PCDH7: variants seen among roughly 807,000 people sequenced by gnomAD.
PCDH7 encodes protocadherin-7.
Under a neutral mutation model 58.9 loss-of-function variants are expected in PCDH7, and 17 were observed. The observed-to-expected ratio is 0.29, with a 90% confidence interval of 0.20 to 0.43. The LOEUF (loss-of-function observed/expected upper bound fraction) is 0.43. Ranked by LOEUF, PCDH7 falls within the 20% of genes least tolerant of loss-of-function variation. The pLI is 1.00. For missense variants in PCDH7, 1,274 were observed against 1,441.0 expected (o/e 0.88, Z 1.88); for synonymous variants, 664 against 616.4 (o/e 1.08, Z -1.14).
intron 3 of PCDH7, among the ~76,000 whole-genome samples, chr4:31,027,472 G>T (rs1485804954): frequency 6.6e-6 from 1 of 151,742 alleles, no homozygotes; most frequent in Non-Finnish European, 1.5e-5. Context: ...CACCAGCCTG[G>T]ATTGCAGTGA....
intron 1 of PCDH7, among the ~76,000 whole-genome samples, chr4:30,858,631 T>C (rs1187628545): frequency 6.6e-6 from 1 of 152,182 alleles, no homozygotes; most frequent in Non-Finnish European, 1.5e-5. Context: ...ATAAGTTATA[T>C]TGCTAATACA....
intron 1 of PCDH7, among the ~76,000 whole-genome samples, chr4:30,816,218 A>G (rs543064451): frequency 2.0e-5 from 3 of 152,244 alleles, no homozygotes; most frequent in African/African-American, 4.8e-5. Flanking sequence ...AATATATTGT[A>G]CTGTACATAT....
chr4:31,097,612 ATATATATATATATATATATAT>A lies in PCDH7; in HGVS notation c.*8-44860_*8-44840del, dbSNP rs1206285067. ...CATATATATATATATATATATATAT[ATATATATATATATATATATAT>A]ATATAAATCTTTTTTCTGTAATTTC... On this transcript the variant is annotated intron_variant, in intron 3 of 3. Transcript: ENST00000509759. Among the ~76,000 whole-genome samples the A allele has an allele frequency of 2.9e-4, 10 of 33,904 alleles. 1 individual carries two copies. In the East Asian group the frequency reaches 0.015, roughly 52 times the overall value. 22.2% of individuals were successfully genotyped at this position (33,904 alleles called of 152,430 possible).
At chr4:30,874,700 A>AT (rs1253679834) in intron 1 of PCDH7, among the ~76,000 whole-genome samples, 33 of 146,414 alleles carry the variant, frequency 2.3e-4, no homozygotes, top group African/African-American at 8.4e-4. Flanking sequence ...TAATAATAAA[A>AT]TAAAAAAATA....
intron 3 of PCDH7, among the ~76,000 whole-genome samples, chr4:31,119,179 G>T (rs1234557902): frequency 6.6e-6 from 1 of 152,036 alleles, no homozygotes; most frequent in Non-Finnish European, 1.5e-5. Context: ...CACATTCTCT[G>T]TTATGTTTCA....
At chr4:30,981,356 A>G (rs1453400114) in intron 3 of PCDH7, among the ~76,000 whole-genome samples, 1 of 152,204 alleles carries the variant, frequency 6.6e-6, no homozygotes, top group Non-Finnish European at 1.5e-5. Context: ...GTTTATTGAC[A>G]GTAGATTATT....
intron 1 of PCDH7, among the ~76,000 whole-genome samples, chr4:30,755,216 G>C (rs1372357375): frequency 6.6e-6 from 1 of 152,152 alleles, no homozygotes; most frequent in Non-Finnish European, 1.5e-5. Flanking sequence ...ACATGTGCTT[G>C]ATCTTAGAAA....
chr4:30,988,838 G>A (rs1751212216), intron 3 of PCDH7, among the ~76,000 whole-genome samples: 1 of 152,144 alleles, frequency 6.6e-6, no homozygotes, highest in Non-Finnish European at 1.5e-5. Flanking sequence ...CAGGCCCTGT[G>A]CAATGATGGT....
At chr4:30,804,110 A>G (rs948479049) in intron 1 of PCDH7, among the ~76,000 whole-genome samples, 3 of 152,230 alleles carry the variant, frequency 2.0e-5, no homozygotes, top group Non-Finnish European at 4.4e-5. Flanking sequence ...AATTTTGGAC[A>G]TGACACAAAC....
At chr4:30,822,335 G>A (rs1399886123) in intron 1 of PCDH7, among the ~76,000 whole-genome samples, 1 of 152,118 alleles carries the variant, frequency 6.6e-6, no homozygotes, top group Non-Finnish European at 1.5e-5. Context: ...TAGAGTGCAG[G>A]CCAGCGACCG....
intron 1 of PCDH7, among the ~76,000 whole-genome samples, chr4:30,804,636 G>A (rs916575779): frequency 1.6e-4 from 25 of 152,176 alleles, no homozygotes; most frequent in African/African-American, 5.5e-4. Context: ...CATCTTGGAA[G>A]AAGAGAGCAG....
chr4:31,076,869 G>A (rs1759039097), intron 3 of PCDH7, among the ~76,000 whole-genome samples: 1 of 152,024 alleles, frequency 6.6e-6, no homozygotes, highest in Non-Finnish European at 1.5e-5. Context: ...CAAAATCTTT[G>A]CACACTTAGG....
At chr4:30,916,501 A>C (rs542252451) in intron 1 of PCDH7, among the ~76,000 whole-genome samples, 2 of 152,294 alleles carry the variant, frequency 1.3e-5, no homozygotes, top group South Asian at 4.1e-4. Context: ...GCTTGTCTTC[A>C]TAATTTCAAA....
At chr4:30,776,389 G>T (rs1722073037) in intron 1 of PCDH7, 1 of 152,184 alleles carries the variant, frequency 6.6e-6, no homozygotes. Context: ...AAGCAGATTT[G>T]CTAGGAAGTG....
At chr4:30,805,225 T>C (rs1348043149) in intron 1 of PCDH7, among the ~76,000 whole-genome samples, 1 of 152,166 alleles carries the variant, frequency 6.6e-6, no homozygotes, top group African/African-American at 2.4e-5. Flanking sequence ...GACTTCTCCC[T>C]TGGGCTCAGT....
At chr4:30,834,012 G>C (rs960163636) in intron 1 of PCDH7, among the ~76,000 whole-genome samples, 1 of 152,134 alleles carries the variant, frequency 6.6e-6, no homozygotes, top group Non-Finnish European at 1.5e-5. Flanking sequence ...TAGAAATTTA[G>C]ATCTACCCAG....
chr4:30,909,334 A>C (rs1741416848), intron 1 of PCDH7, among the ~76,000 whole-genome samples: 1 of 152,214 alleles, frequency 6.6e-6, no homozygotes, highest in Non-Finnish European at 1.5e-5. Flanking sequence ...TGGCCAGGGC[A>C]ATCAGGCAAG....
chr4:31,139,198 G>A (rs1719967130), intron 3 of PCDH7, among the ~76,000 whole-genome samples: 1 of 152,068 alleles, frequency 6.6e-6, no homozygotes, highest in African/African-American at 2.4e-5. Flanking sequence ...GATTGATGGG[G>A]TATGCGGGCG....
chr4:30,968,618 A>G (rs992052722), intron 3 of PCDH7, among the ~76,000 whole-genome samples: 1 of 151,814 alleles, frequency 6.6e-6, no homozygotes, highest in African/African-American at 2.4e-5. Flanking sequence ...TAATATTTTA[A>G]TCATTGAATT....
Sources: gnomAD v4.1 joint callset for allele counts (sites outside exome capture counted in the v4.1 genomes callset) on GRCh38, gnomAD v4.1.1 for gene constraint, MANE v1.5 for transcripts, NCBI Gene and HGNC (gene_info 2026-07-23, HGNC 2026-07-21) for gene names.